The following TSNARE1 variants were observed in gnomAD, a reference collection of about 807,000 sequenced individuals.
The protein encoded by TSNARE1 is t-SNARE domain-containing protein 1.
Under a neutral mutation model 62.0 loss-of-function variants are expected in TSNARE1, and 49 were observed. That is an observed-to-expected ratio of 0.79 (90% CI 0.63 to 1.00). TSNARE1 has a LOEUF of 1.00. TSNARE1 is among the 50% of genes least tolerant of loss of function. The probability of loss-of-function intolerance (pLI) is 0.00; values close to 1 mark genes in which losing one functional copy is unlikely to be tolerated. For synonymous variants in TSNARE1, 328 were observed against 294.4 expected, an observed-to-expected ratio of 1.11 and a Z score of -1.17; for missense variants, 755 against 700.1, an observed-to-expected ratio of 1.08 and a Z score of -0.88.
intron 5 of TSNARE1, 28 bp downstream of exon 5, chr8:142,331,726 G>T: frequency 6.4e-7 from 1 of 1,569,436 alleles, no homozygotes; most frequent in Non-Finnish European, 8.6e-7. Flanking sequence ...TGGATGGAGG[G>T]GCAGGCCCAG....
intron 2 of TSNARE1, among the ~76,000 whole-genome samples, chr8:142,353,817 G>A (rs1360135391): frequency 1.3e-5 from 2 of 152,054 alleles, no homozygotes; most frequent in Non-Finnish European, 2.9e-5. Flanking sequence ...CTGGGAGGAC[G>A]CTCACTCCCC....
intron 10 of TSNARE1, among the ~76,000 whole-genome samples, chr8:142,293,818 G>A (rs1339752221): frequency 1.3e-5 from 2 of 152,196 alleles, no homozygotes; most frequent in Non-Finnish European, 2.9e-5. Flanking sequence ...CACACTGCAG[G>A]GATGCATTTC....
chr8:142,355,188 A>T (rs558897873), intron 1 of TSNARE1, among the ~76,000 whole-genome samples: 2 of 152,162 alleles, frequency 1.3e-5, no homozygotes, highest in Admixed American at 1.3e-4. Flanking sequence ...AGAACCCGGC[A>T]CCCATGCAGC....
At chr8:142,284,555 T>C (rs190948814) in intron 10 of TSNARE1, 70 bp from the exon 11 acceptor site, 1 of 938,742 alleles carries the variant, frequency 1.1e-6, no homozygotes, top group Non-Finnish European at 1.6e-6. Flanking sequence ...CCTGAAAGTT[T>C]CCCATGGAAC....
At chr8:142,389,440 T>C (rs2131336038) in intron 1 of TSNARE1, among the ~76,000 whole-genome samples, 1 of 152,336 alleles carries the variant, frequency 6.6e-6, no homozygotes, top group South Asian at 2.1e-4. Flanking sequence ...CAAAAGTGTG[T>C]ACCCTTATTG....
chr8:142,381,946 C>T (rs1320924283), intron 1 of TSNARE1, among the ~76,000 whole-genome samples: 1 of 152,166 alleles, frequency 6.6e-6, no homozygotes, highest in Non-Finnish European at 1.5e-5. Context: ...TCAGACGCTG[C>T]CCAGTCCTCC....
At chr8:142,224,366 C>T (rs898635438) in intron 13 of TSNARE1, among the ~76,000 whole-genome samples, 3 of 152,240 alleles carry the variant, frequency 2.0e-5, no homozygotes, top group Admixed American at 6.5e-5. Context: ...TGACCCTGAT[C>T]ACATATGGAG....
At chr8:142,300,666 T>G (rs376261474) in intron 9 of TSNARE1, 22 bp from the exon 10 acceptor site, 58 of 1,601,736 alleles carry the variant, frequency 3.6e-5, no homozygotes, top group South Asian at 8.9e-5. Context: ...AGACAGATCT[T>G]GTTAGCACTG....
chr8:142,274,968 G>A (rs1454230147), intron 11 of TSNARE1, 105 bp from the exon 12 acceptor site: 6 of 1,392,472 alleles, frequency 4.3e-6, no homozygotes, highest in Non-Finnish European at 4.7e-6. Flanking sequence ...CCCAGGGCCT[G>A]CAGAGGAGCA....
At chr8:142,404,599 G>A (rs1161689096), upstream of TSNARE1, 1 of 152,460 alleles carries the variant, frequency 6.6e-6, no homozygotes, top group East Asian at 1.9e-4. Context: ...GCAGTAGTGT[G>A]TGCCTGTCTT....
intron 12 of TSNARE1, chr8:142,273,448 G>A (rs1419716327): frequency 1.0e-6 from 1 of 985,234 alleles, no homozygotes; most frequent in Admixed American, 6.1e-5. Context: ...GCGACTAGAG[G>A]TGCTGGGCCA....
At chr8:142,269,852 C>T in intron 12 of TSNARE1, 1 of 985,468 alleles carries the variant, frequency 1.0e-6, no homozygotes, top group Non-Finnish European at 1.2e-6. Flanking sequence ...GGCAGCTGGA[C>T]ATGTGGCTAC....
At chr8:142,252,849 C>T (rs1818242016) in intron 12 of TSNARE1, among the ~76,000 whole-genome samples, 1 of 152,176 alleles carries the variant, frequency 6.6e-6, no homozygotes, top group African/African-American at 2.4e-5. Flanking sequence ...ACCCCTCAGC[C>T]ATTTCCTCTG....
chr8:142,389,877 G>C (rs1457027023), intron 1 of TSNARE1, among the ~76,000 whole-genome samples: 1 of 152,214 alleles, frequency 6.6e-6, no homozygotes, highest in Non-Finnish European at 1.5e-5. Context: ...ATCATTAGAT[G>C]ATTTCCTCAC....
chr8:142,223,067 C>T lies in TSNARE1; in HGVS notation c.*11+6406G>A, dbSNP rs1358992188. Among the ~76,000 whole-genome samples the T allele has an allele frequency of 1.4e-4, 13 of 91,924 alleles. 1 individual carries two copies. The highest frequency in any genetic ancestry group is 2.4e-4 in the Non-Finnish European group (11 of 46,222). The allele number at this position is 91,924 out of a possible 152,430, so 60.3% of individuals were successfully genotyped here. ...ACTCACTCATTCACTCATTCACTTA[C>T]TCGCTCATACTCATTCACTCATTCA... On this transcript the variant is annotated intron_variant, in intron 13 of 13. Transcript: ENST00000524325.
In TSNARE1 at chr8:142,311,662, T is replaced by C. The variant is rs536005041; in HGVS notation, c.1131+2722A>G. Among the ~76,000 whole-genome samples, 20 of 152,324 alleles carry C rather than the reference T, an allele frequency of 1.3e-4. No homozygotes were observed. The South Asian group carries it at 4.1e-3, about 32-fold the overall frequency. ...CTTCTTGAATCTGTGACTTGAAGTA[T>C]TTGGACAGTTTTGGAAAACTCTCAA... On this transcript the variant is annotated intron_variant, in intron 9 of 13. Transcript: ENST00000524325.
chr8:142,259,574 G>T (rs1818753436), intron 12 of TSNARE1, among the ~76,000 whole-genome samples: 1 of 152,206 alleles, frequency 6.6e-6, no homozygotes, highest in African/African-American at 2.4e-5. Flanking sequence ...CGCGGACACT[G>T]CAGGCAGCTC....
chr8:142,401,404 G>A (rs1436828002), intron 1 of TSNARE1, among the ~76,000 whole-genome samples: 1 of 133,708 alleles, frequency 7.5e-6, no homozygotes, highest in Non-Finnish European at 1.5e-5. Context: ...AAAAGCCACA[G>A]ACTATGCAGG....
chr8:142,391,721 C>T (rs1167511617), intron 1 of TSNARE1, among the ~76,000 whole-genome samples: 60 of 152,252 alleles, frequency 3.9e-4, no homozygotes, highest in Admixed American at 3.9e-3. Flanking sequence ...GCACCTAGGG[C>T]TGCCCGCCCT....
Sources: gnomAD v4.1 joint callset for allele counts (sites outside exome capture counted in the v4.1 genomes callset) on GRCh38, gnomAD v4.1.1 for gene constraint, MANE v1.5 for transcripts, NCBI Gene and HGNC (gene_info 2026-07-23, HGNC 2026-07-21) for gene names.